The following SLC23A2 variants were observed in gnomAD, a reference collection of about 807,000 sequenced individuals.
SLC23A2 encodes the protein solute carrier family 23 member 2, also known as Na(+)/L-ascorbic acid transporter 2.
A neutral mutation model predicts 73.3 loss-of-function variants in SLC23A2; 36 were observed. The observed-to-expected ratio is 0.49, with a 90% CI of 0.38 to 0.65. The LOEUF (loss-of-function observed/expected upper bound fraction) is 0.65. Among genes scored for constraint, SLC23A2 ranks in the 30% least tolerant of loss-of-function variants. SLC23A2 has a pLI of 0.00. For missense variants in SLC23A2, 507 were observed against 841.6 expected, an observed-to-expected ratio of 0.60 and a Z score of 4.92; for synonymous variants, 343 against 327.3, an observed-to-expected ratio of 1.05 and a Z score of -0.52.
intron 4 of SLC23A2, among the ~76,000 whole-genome samples, chr20:4,905,602 C>T (rs930998957): frequency 5.9e-5 from 9 of 152,220 alleles, no homozygotes; most frequent in East Asian, 1.9e-4. Context: ...GAACTCAGAA[C>T]GCTGTTCTCT....
chr20:4,986,282 A>T (rs2087825113), intron 1 of SLC23A2, among the ~76,000 whole-genome samples: 1 of 152,058 alleles, frequency 6.6e-6, no homozygotes, highest in African/African-American at 2.4e-5. Context: ...GGCAACATAG[A>T]GAGACCCCTT....
chr20:4,922,882 T>G (rs1234676964), intron 3 of SLC23A2, among the ~76,000 whole-genome samples: 1 of 150,618 alleles, frequency 6.6e-6, no homozygotes. Flanking sequence ...ATGGCCAGAA[T>G]GCTGATCAAC....
rs568143989 is a variant in SLC23A2 at position 4,962,203 on chromosome 20, G to C, written c.-155+8590C>G. ...GAACTCATAATATGAAATAGAGAAA[G>C]TCACCTTGTTATCTGGTTTCTCTCC... On this transcript the variant is annotated intron_variant, in intron 2 of 16. Coordinates refer to ENST00000338244, the MANE Select transcript of SLC23A2 (RefSeq NM_005116.6). Among the ~76,000 whole-genome samples, 4 of 151,712 alleles carry C rather than the reference G, an allele frequency of 2.6e-5. No individual in the cohort carries two copies. In the East Asian group the frequency reaches 7.7e-4, roughly 29 times the overall value.
intron 1 of SLC23A2, among the ~76,000 whole-genome samples, chr20:4,994,543 G>C (rs1600215710): frequency 6.6e-6 from 1 of 152,220 alleles, no homozygotes; most frequent in South Asian, 2.1e-4. Flanking sequence ...TCAGCACTTT[G>C]GGAGGCTGAG....
At chr20:4,976,394 G>A (rs1204808303) in intron 1 of SLC23A2, among the ~76,000 whole-genome samples, 2 of 151,790 alleles carry the variant, frequency 1.3e-5, no homozygotes, top group African/African-American at 2.4e-5. Context: ...GTCCCTCCCC[G>A]GCCGGGCACG....
chr20:4,899,372 A>T lies in SLC23A2; in HGVS notation c.482+183T>A, dbSNP rs557720901. 4.9e-4 allele frequency among the ~76,000 whole-genome samples: 75 copies of T among 152,110 alleles called. No homozygotes were observed. Among genetic ancestry groups the T allele is most frequent in the African/African-American group, 1.7e-3 (71 of 41,508 alleles). On this transcript the variant is annotated intron_variant, in intron 6 of 16. Coordinates refer to ENST00000338244, the MANE Select transcript of SLC23A2 (RefSeq NM_005116.6). This position sits in a 1 kb window ranked among gnomAD's most constrained non-coding sequence, Gnocchi z 4.9. ...GGTAGGGGAAGGTGGCGGTGGTGCC[A>T]TTCACCAAGAGAGGAAATGACTGGG...
intron 6 of SLC23A2, among the ~76,000 whole-genome samples, chr20:4,892,733 A>C (rs1322150732): frequency 6.6e-6 from 1 of 152,156 alleles, no homozygotes; most frequent in African/African-American, 2.4e-5. Context: ...AAATCAAACA[A>C]TATGACAGGG....
In SLC23A2 at chr20:4,856,728, G is replaced by T; in HGVS notation, c.*244C>A. The T allele has an allele frequency of 2.2e-6, 1 of 451,476 alleles. No homozygotes were observed. The highest frequency in any genetic ancestry group is 3.9e-6 in the Non-Finnish European group (1 of 253,202). The allele number at this position is 451,476 out of a possible 1,614,324, so 28.0% of individuals were successfully genotyped here. Reference sequence around the variant, plus strand: ...AGGGAGGACTGGAACTTCAAATTTAGTGACCATGGCCAGCAATGGACACTC... The same window carrying T: ...AGGGAGGACTGGAACTTCAAATTTATTGACCATGGCCAGCAATGGACACTC... On this transcript the variant is annotated 3_prime_UTR_variant, in exon 17 of 17. Coordinates refer to ENST00000338244, the MANE Select transcript of SLC23A2 (RefSeq NM_005116.6). The surrounding 1 kb of genome is among the most constrained non-coding windows in gnomAD (Gnocchi z 4.6).
chr20:4,913,060 T>C (rs1427845987), intron 3 of SLC23A2, 82 bp from the exon 4 acceptor site: 5 of 870,642 alleles, frequency 5.7e-6, no homozygotes, highest in African/African-American at 3.3e-5. Flanking sequence ...ATTCTCCTGG[T>C]GAGTGCATGA....
At chr20:4,896,840 G>A (rs1219167685) in intron 6 of SLC23A2, among the ~76,000 whole-genome samples, 1 of 152,232 alleles carries the variant, frequency 6.6e-6, no homozygotes, top group Non-Finnish European at 1.5e-5. Context: ...CCCTGTGCCT[G>A]TTGATAAGTC....
chr20:4,972,979 G>A (rs536933436), intron 1 of SLC23A2, among the ~76,000 whole-genome samples: 82 of 152,288 alleles, frequency 5.4e-4, no homozygotes, highest in African/African-American at 1.9e-3. Context: ...AAAAGAACAT[G>A]AGAAAAGAAA....
At chr20:4,871,596 T>C (rs1168879258) in intron 11 of SLC23A2, among the ~76,000 whole-genome samples, 1 of 152,146 alleles carries the variant, frequency 6.6e-6, no homozygotes, top group Admixed American at 6.5e-5. Context: ...AAGTCAGACG[T>C]GCAGAATAAG....
chr20:4,962,737 A>C (rs1202793344), intron 2 of SLC23A2, among the ~76,000 whole-genome samples: 1 of 147,594 alleles, frequency 6.8e-6, no homozygotes, highest in African/African-American at 2.5e-5. Context: ...AGTGGTTCAC[A>C]CCTGTAATCC....
Position 4,862,873 on chromosome 20 carries a change from G to A in SLC23A2, c.1391C>T (p.Ala464Val). Residue 464 changes from alanine (A) to valine (V), a missense_variant, in exon 14 of 17, where the codon GCC becomes GTC. Physicochemically the swap from Ala to Val is moderately conservative, Grantham distance 64. This residue lies in a region of SLC23A2 where 168 missense variants were observed against 302.3 expected (regional missense o/e 0.56). Transcript: ENST00000338244. This position sits in a 1 kb window ranked among gnomAD's most constrained non-coding sequence, Gnocchi z 5.1. ...GATCATGCCCAGAGCGAGCATGAGG[G>A]CTGCTCCGCACTGTATCACGCGGCG... is the stretch of plus-strand genomic sequence containing the variant. ...GSRRVIQCGAALMLALGMIGK... is the reference protein window; with the variant it reads ...GSRRVIQCGAVLMLALGMIGK... The A allele has an allele frequency of 6.2e-7, 1 of 1,613,900 alleles. No homozygotes were observed. Among genetic ancestry groups the A allele is most frequent in the Non-Finnish European group, 8.5e-7 (1 of 1,179,944 alleles).
chr20:4,865,193 T>A (rs1930141294), intron 13 of SLC23A2, among the ~76,000 whole-genome samples: 2 of 151,980 alleles, frequency 1.3e-5, no homozygotes, highest in Admixed American at 6.6e-5. Flanking sequence ...AGACCCTGGG[T>A]TTCTGGATTT....
chr20:4,977,524 C>T lies in SLC23A2; in HGVS notation c.-281-6605G>A, dbSNP rs373622135. ...CAACATGGTGAAACCCTCCCATCCC[C>T]GACTCTACTAAAAAACTACAAAAAT... is the stretch of plus-strand genomic sequence containing the variant. On this transcript the variant is annotated intron_variant, in intron 1 of 16. Coordinates refer to ENST00000338244, the MANE Select transcript of SLC23A2 (RefSeq NM_005116.6). 5.3e-5 allele frequency among the ~76,000 whole-genome samples: 8 copies of T among 151,600 alleles called. No homozygotes were observed. In the East Asian group the frequency reaches 7.8e-4, roughly 15 times the overall value.
At chr20:4,991,641 G>C (rs1336611140) in intron 1 of SLC23A2, among the ~76,000 whole-genome samples, 1 of 151,432 alleles carries the variant, frequency 6.6e-6, no homozygotes, top group Non-Finnish European at 1.5e-5. Context: ...AGAATTGCTT[G>C]AATCCAGGAG....
chr20:4,929,759 T>A (rs1285557277), intron 3 of SLC23A2, among the ~76,000 whole-genome samples: 1 of 152,076 alleles, frequency 6.6e-6, no homozygotes, highest in Non-Finnish European at 1.5e-5. Context: ...CATGACTGTA[T>A]ACAAAAAATA....
At chr20:4,914,592 T>A (rs1600128892) in intron 3 of SLC23A2, among the ~76,000 whole-genome samples, 1 of 152,282 alleles carries the variant, frequency 6.6e-6, no homozygotes, top group Non-Finnish European at 1.5e-5. Flanking sequence ...TAGAAGCTTA[T>A]CCTCTAGAAA....
Sources: gnomAD v4.1 joint callset for allele counts (sites outside exome capture counted in the v4.1 genomes callset) on GRCh38, gnomAD v4.1.1 for gene constraint, gnomAD v4.1.1 regional missense constraint, Gnocchi (gnomAD v3.1) non-coding constraint, MANE v1.5 for transcripts, NCBI Gene and HGNC (gene_info 2026-07-23, HGNC 2026-07-21) for gene names.